CD28: variants seen among roughly 807,000 people sequenced by gnomAD.
CD28 encodes the protein CD28 molecule.
Under a neutral mutation model 21.4 loss-of-function variants are expected in CD28, and 8 were observed. The observed-to-expected ratio is 0.37, with a 90% CI of 0.22 to 0.68. The LOEUF is 0.68. CD28 is among the 30% of genes least tolerant of loss of function. CD28 has a pLI of 0.55. For synonymous variants in CD28, 106 were observed against 104.0 expected (o/e 1.02, Z -0.12); for missense variants, 239 against 272.2 (o/e 0.88, Z 0.86).
In CD28 at chr2:203,729,693, C is replaced by T; in HGVS notation, c.455C>T (p.Pro152Leu). 1 of 1,613,952 alleles carries T rather than the reference C, an allele frequency of 6.2e-7. No individual in the cohort carries two copies. Among genetic ancestry groups the T allele is most frequent in the East Asian group, 2.2e-5 (1 of 44,874 alleles). The change falls in exon 3 of 4, where the codon CCC (proline) becomes CTC (leucine). Residue 152 changes from proline (P) to leucine (L), a missense_variant. By Grantham distance (98) the Pro-to-Leu change is moderately conservative. Transcript: ENST00000324106. ...PSPLFPGPSK[P>L]FWVLVVVGGV... ...CCCCTATTTCCCGGACCTTCTAAGC[C>T]CTTTTGGGTGCTGGTGGTGGTTGGT...
intron 3 of CD28, 141 bp downstream of exon 3, chr2:203,729,913 CTT>C (rs1693845140): frequency 1.2e-6 from 1 of 842,154 alleles, no homozygotes; most frequent in African/African-American, 1.7e-5. Flanking sequence ...AGTAGGTTCT[CTT>C]TTAGCTTGTT....
At chr2:203,709,174 T>C (rs540473578) in intron 1 of CD28, among the ~76,000 whole-genome samples, 53 of 152,220 alleles carry the variant, frequency 3.5e-4, no homozygotes, top group African/African-American at 1.3e-3. Context: ...GTGCTTTGCC[T>C]TTCTCTGTAC....
chr2:203,723,766 A>T (rs1693671288), intron 1 of CD28, among the ~76,000 whole-genome samples: 1 of 152,214 alleles, frequency 6.6e-6, no homozygotes, highest in African/African-American at 2.4e-5. Context: ...GGTGAGGATA[A>T]ATTGGAGCCC....
chr2:203,709,592 A>G (rs188129844), intron 1 of CD28, among the ~76,000 whole-genome samples: 1 of 152,226 alleles, frequency 6.6e-6, no homozygotes, highest in East Asian at 1.9e-4. Flanking sequence ...TTTCTACTAG[A>G]CTCGGATAAT....
At chr2:203,722,813 A>C (rs1377377782) in intron 1 of CD28, among the ~76,000 whole-genome samples, 1 of 152,222 alleles carries the variant, frequency 6.6e-6, no homozygotes, top group Non-Finnish European at 1.5e-5. Context: ...GCATGGAGGT[A>C]GGAATGCTCA....
intron 1 of CD28, among the ~76,000 whole-genome samples, chr2:203,711,845 A>G: frequency 6.6e-6 from 1 of 152,174 alleles, no homozygotes; most frequent in Non-Finnish European, 1.5e-5. Context: ...AACTTAACAA[A>G]TATTTATTAA....
chr2:203,708,535 T>C (rs995044171), intron 1 of CD28, among the ~76,000 whole-genome samples: 2 of 152,244 alleles, frequency 1.3e-5, no homozygotes, highest in Non-Finnish European at 2.9e-5. Flanking sequence ...CATCAACTTA[T>C]TCACTCTCTT....
intron 2 of CD28, among the ~76,000 whole-genome samples, chr2:203,729,402 A>G (rs950428118): frequency 3.9e-5 from 6 of 152,172 alleles, no homozygotes; most frequent in Admixed American, 3.3e-4. Context: ...CCACAAAGTC[A>G]AGTGAATACA....
intron 1 of CD28, among the ~76,000 whole-genome samples, chr2:203,723,124 A>G (rs559291918): frequency 6.6e-6 from 1 of 152,326 alleles, no homozygotes; most frequent in Non-Finnish European, 1.5e-5. Flanking sequence ...ACTAGGCCAT[A>G]GTGGCTTTCA....
intron 2 of CD28, 69 bp downstream of exon 2, chr2:203,727,058 T>C: frequency 1.0e-6 from 1 of 961,700 alleles, no homozygotes; most frequent in Non-Finnish European, 1.6e-6. Context: ...GAAAACTGGG[T>C]TGTGGTCAGT....
At chr2:203,715,239 C>T (rs978607877) in intron 1 of CD28, among the ~76,000 whole-genome samples, 7 of 152,082 alleles carry the variant, frequency 4.6e-5, no homozygotes, top group Non-Finnish European at 8.8e-5. Flanking sequence ...AACTGAATTA[C>T]TATAATAATA....
intron 1 of CD28, among the ~76,000 whole-genome samples, chr2:203,712,100 G>C (rs1019342962): frequency 3.9e-5 from 6 of 152,112 alleles, no homozygotes; most frequent in Non-Finnish European, 4.4e-5. Flanking sequence ...GCTGAGGTAG[G>C]AGAATTGCTT....
chr2:203,732,011 A>G (rs1172088529), intron 3 of CD28, among the ~76,000 whole-genome samples: 1 of 152,124 alleles, frequency 6.6e-6, no homozygotes, highest in Non-Finnish European at 1.5e-5. Context: ...ATAACATAGT[A>G]TTTTTACTCT....
rs1298021611 is a variant in CD28, at chr2:203,726,837, G to C, written c.257G>C (p.Cys86Ser). Residue 86 changes from cysteine to serine, a missense_variant, in exon 2 of 4, where the codon TGT becomes TCT. Coordinates refer to ENST00000324106, the MANE Select transcript of CD28 (RefSeq NM_006139.4). ...GTTTACTCAAAAACGGGGTTCAACT[G>C]TGATGGGAAATTGGGCAATGAATCA... ...LQVYSKTGFN[C>S]DGKLGNESVT... The C allele has an allele frequency of 6.2e-7, 1 of 1,614,168 alleles. No individual in the cohort carries two copies. The highest frequency in any genetic ancestry group is 1.7e-5 in the Admixed American group (1 of 60,020).
chr2:203,715,825 T>C (rs2106112106), intron 1 of CD28, among the ~76,000 whole-genome samples: 1 of 152,288 alleles, frequency 6.6e-6, no homozygotes, highest in African/African-American at 2.4e-5. Context: ...TCCATTCCTG[T>C]TCACCATCAG....
At chr2:203,733,379 G>A (rs887974227) in intron 3 of CD28, among the ~76,000 whole-genome samples, 1 of 152,066 alleles carries the variant, frequency 6.6e-6, no homozygotes, top group Admixed American at 6.5e-5. Flanking sequence ...GTCTTGGGCA[G>A]CTGTATATAT....
At chr2:203,726,591 C>G (rs1376789535) in intron 1 of CD28, 42 bp from the exon 2 acceptor site, 11 of 1,430,210 alleles carry the variant, frequency 7.7e-6, no homozygotes, top group Middle Eastern at 1.8e-4. Flanking sequence ...AAAAATTATC[C>G]TTATATTCTT....
chr2:203,718,290 G>A (rs182715230), intron 1 of CD28, among the ~76,000 whole-genome samples: 1 of 152,166 alleles, frequency 6.6e-6, no homozygotes, highest in Non-Finnish European at 1.5e-5. Context: ...AGCCTGAAAA[G>A]GAGCCAGTGG....
intron 1 of CD28, among the ~76,000 whole-genome samples, chr2:203,715,873 T>G (rs1206945800): frequency 2.0e-5 from 3 of 152,120 alleles, no homozygotes; most frequent in Non-Finnish European, 2.9e-5. Flanking sequence ...TTTGACCCTT[T>G]CATACCAGCT....
Sources: allele counts gnomAD v4.1 joint callset (sites outside exome capture counted in the v4.1 genomes callset), GRCh38; gene constraint gnomAD v4.1.1; transcripts MANE v1.5; gene names NCBI Gene and HGNC (gene_info 2026-07-23, HGNC 2026-07-21).